The following PLXDC2 variants were observed in gnomAD, a reference collection of about 807,000 sequenced individuals.
PLXDC2 encodes plexin domain-containing protein 2.
PLXDC2 carries 40 observed loss-of-function variants against 68.9 expected under a neutral mutation model. The ratio of observed to expected loss-of-function variants is 0.58; its 90% CI spans 0.45 to 0.76. The LOEUF (loss-of-function observed/expected upper bound fraction) is 0.76, where lower values mean the gene tolerates loss of function less well. Among genes scored for constraint, PLXDC2 ranks in the 30% least tolerant of loss-of-function variants. PLXDC2 has a pLI of 0.00. For missense variants in PLXDC2, 644 were observed against 661.9 expected (o/e 0.97, Z 0.30); for synonymous variants, 243 against 234.2 (o/e 1.04, Z -0.34).
intron 4 of PLXDC2, among the ~76,000 whole-genome samples, chr10:20,114,027 G>A (rs1393599481): frequency 6.6e-6 from 1 of 152,202 alleles, no homozygotes; most frequent in Non-Finnish European, 1.5e-5. Flanking sequence ...AGGAGGCTGA[G>A]GCAGGGGGAT....
chr10:20,131,877 T>G lies in PLXDC2; in HGVS notation c.542-11418T>G, dbSNP rs546421029. Among the ~76,000 whole-genome samples the G allele has an allele frequency of 3.1e-4, 47 of 152,260 alleles. 1 individual carries two copies. In the South Asian group the frequency reaches 8.7e-3, roughly 28 times the overall value. On this transcript the variant is annotated intron_variant, in intron 4 of 13. Transcript: ENST00000377252. ...TTCCTTCCTTCTGCTAACTCTTTAT[T>G]ATATCCTTTCTTAAGCTTAGTTTGT...
intron 4 of PLXDC2, among the ~76,000 whole-genome samples, chr10:20,131,961 TTTC>T (rs1412637018): frequency 6.6e-6 from 1 of 152,132 alleles, no homozygotes; most frequent in Non-Finnish European, 1.5e-5. Context: ...ATCTTTCTTT[TTTC>T]TTCATGTAGG....
At chr10:20,247,498 C>T (rs1390243846) in intron 13 of PLXDC2, among the ~76,000 whole-genome samples, 2 of 151,806 alleles carry the variant, frequency 1.3e-5, no homozygotes, top group Non-Finnish European at 2.9e-5. Flanking sequence ...AATTTCCTCC[C>T]TTCCCATATT....
intron 2 of PLXDC2, among the ~76,000 whole-genome samples, chr10:20,042,656 G>C (rs1276306263): frequency 2.0e-5 from 3 of 152,200 alleles, no homozygotes; most frequent in Middle Eastern, 6.8e-3. Context: ...TATCATTACT[G>C]CATGAGGCAA....
At chr10:20,115,958 G>T (rs1233681992) in intron 4 of PLXDC2, among the ~76,000 whole-genome samples, 1 of 152,126 alleles carries the variant, frequency 6.6e-6, no homozygotes, top group South Asian at 2.1e-4. Context: ...GCAGCACGAT[G>T]ACCCTTTTTA....
intron 3 of PLXDC2, among the ~76,000 whole-genome samples, chr10:20,059,686 A>G (rs888834854): frequency 2.6e-5 from 4 of 152,096 alleles, no homozygotes; most frequent in Admixed American, 6.6e-5. Flanking sequence ...GGACATTTTG[A>G]TCTTTTAATT....
chr10:20,110,014 A>G (rs1379714520), intron 4 of PLXDC2, among the ~76,000 whole-genome samples: 1 of 152,224 alleles, frequency 6.6e-6, no homozygotes, highest in Non-Finnish European at 1.5e-5. Context: ...AAACAAGTCA[A>G]CACACAAAAA....
chr10:20,231,658 A>T (rs1375448973), intron 12 of PLXDC2, among the ~76,000 whole-genome samples: 1 of 151,696 alleles, frequency 6.6e-6, no homozygotes, highest in Non-Finnish European at 1.5e-5. Context: ...TTTTTTTTTG[A>T]AAATTTTAAT....
chr10:20,143,407 T>C lies in PLXDC2; in HGVS notation c.654T>C (p.Tyr218=). ...PSVSRNSTVR[Y]FDNGTALVVQ... is the part of the protein sequence containing the mutation. ...TATCCAGAAATTCAACTGTCAGATA[T>C]TTTGATAATGGTATGTGTTGAGTAG... The change falls in exon 5 of 14, where the codon TAT becomes TAC. Residue 218 remains tyrosine, a synonymous_variant. Coordinates refer to ENST00000377252, the MANE Select transcript of PLXDC2 (RefSeq NM_032812.9). 1 of 1,613,138 alleles carries C rather than the reference T, an allele frequency of 6.2e-7. No homozygotes were observed. Among genetic ancestry groups the C allele is most frequent in the South Asian group, 1.1e-5 (1 of 91,054 alleles).
chr10:19,850,546 C>T (rs1837096325), intron 1 of PLXDC2, among the ~76,000 whole-genome samples: 1 of 152,150 alleles, frequency 6.6e-6, no homozygotes, highest in African/African-American at 2.4e-5. Flanking sequence ...ATGAACGTTT[C>T]ATCACGAGAG....
chr10:19,873,964 C>A (rs1011591109), intron 1 of PLXDC2, among the ~76,000 whole-genome samples: 3 of 152,086 alleles, frequency 2.0e-5, no homozygotes, highest in Admixed American at 6.5e-5. Context: ...GGCCAGATTT[C>A]CATACTCTTA....
chr10:20,245,673 A>T (rs1378017539), intron 13 of PLXDC2, among the ~76,000 whole-genome samples, 168 bp downstream of exon 13: 2 of 152,182 alleles, frequency 1.3e-5, no homozygotes, highest in Non-Finnish European at 2.9e-5. Flanking sequence ...GTACATATTG[A>T]TAGATTGCTT....
intron 4 of PLXDC2, among the ~76,000 whole-genome samples, chr10:20,110,020 A>G (rs557037527): frequency 6.6e-6 from 1 of 152,312 alleles, no homozygotes; most frequent in South Asian, 2.1e-4. Context: ...GTCAACACAC[A>G]AAAAATATAT....
At chr10:20,260,306 G>A (rs912587671) in intron 13 of PLXDC2, among the ~76,000 whole-genome samples, 3 of 152,140 alleles carry the variant, frequency 2.0e-5, no homozygotes, top group Admixed American at 6.5e-5. Context: ...CTTATTTGTC[G>A]TACATAACTG....
At chr10:19,987,896 TG>T (rs1158701585) in intron 1 of PLXDC2, among the ~76,000 whole-genome samples, 1 of 152,160 alleles carries the variant, frequency 6.6e-6, no homozygotes, top group African/African-American at 2.4e-5. Context: ...TTTACATTTT[TG>T]TTAACAGAAA....
intron 1 of PLXDC2, among the ~76,000 whole-genome samples, chr10:19,924,027 G>C (rs930725811): frequency 2.6e-5 from 4 of 152,170 alleles, no homozygotes; most frequent in Non-Finnish European, 5.9e-5. Context: ...CTTCACTCCA[G>C]CTTGGGCAGC....
intron 4 of PLXDC2, among the ~76,000 whole-genome samples, chr10:20,073,963 G>A (rs1167793838): frequency 6.6e-6 from 1 of 152,136 alleles, no homozygotes; most frequent in African/African-American, 2.4e-5. Context: ...TTACAGTGAT[G>A]AGATGGGAGC....
intron 4 of PLXDC2, among the ~76,000 whole-genome samples, chr10:20,079,065 A>G (rs1234520499): frequency 6.6e-6 from 1 of 152,168 alleles, no homozygotes; most frequent in African/African-American, 2.4e-5. Flanking sequence ...TAAAATTTTC[A>G]TATATTAAAA....
chr10:19,947,420 C>G (rs977393799), intron 1 of PLXDC2, among the ~76,000 whole-genome samples: 2 of 152,216 alleles, frequency 1.3e-5, no homozygotes, highest in Admixed American at 6.5e-5. Context: ...CCGATGCTAG[C>G]TCTGTGTCCC....
Sources: gnomAD v4.1 joint callset for allele counts (sites outside exome capture counted in the v4.1 genomes callset) on GRCh38, gnomAD v4.1.1 for gene constraint, MANE v1.5 for transcripts, NCBI Gene and HGNC (gene_info 2026-07-23, HGNC 2026-07-21) for gene names.